NELL2: variants seen among roughly 807,000 people sequenced by gnomAD.
NELL2 encodes the protein neural EGFL like 2, also known as protein kinase C-binding protein NELL2.
NELL2 carries 41 observed loss-of-function variants against 109.6 expected under a neutral mutation model. The ratio of observed to expected loss-of-function variants is 0.37; its 90% CI spans 0.29 to 0.49. The LOEUF (loss-of-function observed/expected upper bound fraction) is 0.49, where lower values mean the gene tolerates loss of function less well. Among genes scored for constraint, NELL2 ranks in the 20% least tolerant of loss-of-function variants. The probability of loss-of-function intolerance (pLI) is 0.98; values close to 1 mark genes in which losing one functional copy is unlikely to be tolerated. For missense variants in NELL2, 900 were observed against 1,008.3 expected (o/e 0.89, Z 1.45); for synonymous variants, 355 against 344.7 (o/e 1.03, Z -0.33).
chr12:44,660,070 A>T (rs950221524), intron 13 of NELL2, among the ~76,000 whole-genome samples: 1 of 152,216 alleles, frequency 6.6e-6, no homozygotes, highest in Non-Finnish European at 1.5e-5. Flanking sequence ...AGGAGACAGA[A>T]GAACTTAGTG....
chr12:44,534,710 G>A (rs1942222637), intron 15 of NELL2, among the ~76,000 whole-genome samples: 1 of 152,058 alleles, frequency 6.6e-6, no homozygotes. Context: ...TGGAATTTAA[G>A]CTTTAGAAGT....
rs923569224 is a variant in NELL2 at position 44,779,544 on chromosome 12, C to T, written c.606+119G>A. On this transcript the variant is annotated intron_variant, in intron 5 of 19. Transcript: ENST00000429094. ...ACTGTTTAAAAAAATGAAACAGACA[C>T]AAATTTTCTAATTTACAAATCAAAT... 101 of 778,870 alleles carry T rather than the reference C, an allele frequency of 1.3e-4. 1 individual carries two copies. The Admixed American group carries it at 2.0e-3, about 15-fold the overall frequency. 48.2% of individuals were successfully genotyped at this position (778,870 alleles called of 1,614,324 possible). A position where few individuals can be genotyped will look rare whatever the true frequency, so the allele number is the denominator to read the frequency against.
At chr12:44,840,696 A>G (rs1480515040) in intron 2 of NELL2, among the ~76,000 whole-genome samples, 1 of 152,244 alleles carries the variant, frequency 6.6e-6, no homozygotes, top group Non-Finnish European at 1.5e-5. Flanking sequence ...ACCCAGAGTA[A>G]GCAAAGAAAC....
intron 9 of NELL2, among the ~76,000 whole-genome samples, chr12:44,772,317 G>GT (rs894956812): frequency 1.4e-4 from 22 of 152,222 alleles, no homozygotes; most frequent in Admixed American, 7.2e-4. Context: ...ATAGACATGT[G>GT]TAACTATTGG....
intron 1 of NELL2, among the ~76,000 whole-genome samples, chr12:44,883,882 C>T (rs951907659): frequency 6.6e-6 from 1 of 151,630 alleles, no homozygotes; most frequent in African/African-American, 2.4e-5. Flanking sequence ...ATTTAAATAA[C>T]TTGAAAGAAA....
At chr12:44,663,046 T>C (rs1235645635) in intron 13 of NELL2, among the ~76,000 whole-genome samples, 3 of 152,164 alleles carry the variant, frequency 2.0e-5, no homozygotes, top group Non-Finnish European at 4.4e-5. Context: ...AAAGTCCTAC[T>C]CTGGTCTTAA....
chr12:44,686,377 G>C (rs7957686), intron 12 of NELL2, among the ~76,000 whole-genome samples: 8 of 152,004 alleles, frequency 5.3e-5, no homozygotes, highest in Non-Finnish European at 1.0e-4. Context: ...CCCGTAGCTC[G>C]GAGTAATTTG....
intron 2 of NELL2, among the ~76,000 whole-genome samples, chr12:44,865,605 T>C (rs1384105023): frequency 1.5e-4 from 15 of 98,456 alleles, no homozygotes; most frequent in South Asian, 4.6e-4. Context: ...TAGGTGGGAA[T>C]TGAACAATGA....
chr12:44,668,784 C>A (rs1294934454), intron 12 of NELL2, among the ~76,000 whole-genome samples: 1 of 152,266 alleles, frequency 6.6e-6, no homozygotes, highest in East Asian at 1.9e-4. Context: ...ACCGTTAGTA[C>A]CTGGGCATGT....
intron 12 of NELL2, among the ~76,000 whole-genome samples, chr12:44,693,248 T>C (rs914390974): frequency 9.2e-5 from 14 of 152,172 alleles, no homozygotes; most frequent in Non-Finnish European, 2.1e-4. Context: ...GCTCGGACGA[T>C]TGTTAGCATT....
intron 9 of NELL2, among the ~76,000 whole-genome samples, chr12:44,735,223 A>G (rs1396270026): frequency 3.3e-5 from 5 of 152,060 alleles, no homozygotes; most frequent in African/African-American, 1.2e-4. Flanking sequence ...ACATTTTTGT[A>G]GTCTGTTTCT....
chr12:44,628,387 C>G (rs1315157862), intron 13 of NELL2, among the ~76,000 whole-genome samples: 1 of 152,176 alleles, frequency 6.6e-6, no homozygotes, highest in Non-Finnish European at 1.5e-5. Context: ...CACTTAGCTA[C>G]TGCACTGAAA....
At chr12:44,680,787 A>G (rs899296839) in intron 12 of NELL2, among the ~76,000 whole-genome samples, 1 of 152,152 alleles carries the variant, frequency 6.6e-6, no homozygotes, top group African/African-American at 2.4e-5. Context: ...TTTAACTTGT[A>G]CTTACCTGCT....
At position 44,884,510 on chromosome 12, in the gene NELL2, AAAAT is replaced by A. The variant is rs764404170; in HGVS notation, c.39-8614_39-8611del. Reference sequence around the variant, plus strand: ...TAGCAATTTTACACAAATATTCCAGAAAATAAAGGAAAGGGAAACACTTCCCAAC... The same window carrying A: ...TAGCAATTTTACACAAATATTCCAGAAAAGGAAAGGGAAACACTTCCCAAC... On this transcript the variant is annotated intron_variant, in intron 1 of 20. Coordinates refer to the NELL2 transcript ENST00000333837. Among the ~76,000 whole-genome samples, 16 of 152,194 alleles carry A rather than the reference AAAAT, an allele frequency of 1.1e-4. No individual in the cohort carries two copies. In the South Asian group the frequency reaches 1.2e-3, roughly 12 times the overall value.
At chr12:44,800,420 A>G (rs1410503844) in intron 3 of NELL2, among the ~76,000 whole-genome samples, 1 of 152,192 alleles carries the variant, frequency 6.6e-6, no homozygotes, top group Non-Finnish European at 1.5e-5. Context: ...TCTTCTCTTC[A>G]ATTTCCAGAT....
At chr12:44,668,758 C>T (rs915294078) in intron 12 of NELL2, among the ~76,000 whole-genome samples, 1 of 152,036 alleles carries the variant, frequency 6.6e-6, no homozygotes, top group African/African-American at 2.4e-5. Flanking sequence ...ACCAGCATGC[C>T]CAACCCACTG....
At chr12:44,754,306 C>A (rs767947851) in intron 9 of NELL2, among the ~76,000 whole-genome samples, 1 of 152,038 alleles carries the variant, frequency 6.6e-6, no homozygotes, top group Non-Finnish European at 1.5e-5. Flanking sequence ...AGTCTCTGGA[C>A]CAGTTACTGC....
At chr12:44,528,210 T>C (rs2139000612) in intron 16 of NELL2, among the ~76,000 whole-genome samples, 1 of 151,794 alleles carries the variant, frequency 6.6e-6, no homozygotes, top group Non-Finnish European at 1.5e-5. Flanking sequence ...AGAATCATCT[T>C]TCCAGAAGAG....
intron 15 of NELL2, among the ~76,000 whole-genome samples, chr12:44,563,725 A>T (rs538816310): frequency 2.6e-5 from 4 of 152,332 alleles, no homozygotes; most frequent in African/African-American, 9.6e-5. Flanking sequence ...TTCTCATTGA[A>T]AATACGGAAC....
Sources: gnomAD v4.1 joint callset for allele counts (sites outside exome capture counted in the v4.1 genomes callset) on GRCh38, gnomAD v4.1.1 for gene constraint, MANE v1.5 for transcripts, NCBI Gene and HGNC (gene_info 2026-07-23, HGNC 2026-07-21) for gene names.